Variants in NEK11 observed in about 807,000 individuals in gnomAD.
The protein encoded by NEK11 is serine/threonine-protein kinase Nek11.
Under a neutral mutation model 80.7 loss-of-function variants are expected in NEK11, and 72 were observed. That is an observed-to-expected ratio of 0.89 (90% CI 0.74 to 1.08). NEK11 has a LOEUF of 1.08. NEK11 is among the 50% of genes least tolerant of loss of function. NEK11 has a pLI of 0.00. For synonymous variants in NEK11, 251 were observed against 260.7 expected, an observed-to-expected ratio of 0.96 and a Z score of 0.36; for missense variants, 764 against 763.6, an observed-to-expected ratio of 1.00 and a Z score of -0.01.
chr3:131,109,649 A>G (rs1048530400), intron 4 of NEK11, 154 bp from the exon 5 acceptor site: 4 of 764,874 alleles, frequency 5.2e-6, no homozygotes, highest in African/African-American at 3.6e-5. Flanking sequence ...AGGAACCTGG[A>G]TAGACTTTGA....
At chr3:131,213,488 A>G (rs1002889855) in intron 14 of NEK11, among the ~76,000 whole-genome samples, 6 of 152,220 alleles carry the variant, frequency 3.9e-5, no homozygotes, top group African/African-American at 1.4e-4. Context: ...TCCAATGTAC[A>G]TGACAGAAAC....
intron 11 of NEK11, 51 bp from the exon 12 acceptor site, chr3:131,165,375 A>G (rs1255614815): frequency 5.3e-6 from 6 of 1,135,186 alleles, no homozygotes; most frequent in Admixed American, 1.7e-5. Flanking sequence ...TAATATAGAC[A>G]TGGTTTTAGC....
intron 17 of NEK11, among the ~76,000 whole-genome samples, chr3:131,294,736 ACT>A (rs2096575772): frequency 6.6e-6 from 1 of 151,526 alleles, no homozygotes; most frequent in African/African-American, 2.4e-5. Flanking sequence ...GTATTTTGAC[ACT>A]CTGTTGTTAG....
chr3:131,259,742 C>T (rs930564873), intron 16 of NEK11, among the ~76,000 whole-genome samples: 1 of 152,116 alleles, frequency 6.6e-6, no homozygotes, highest in African/African-American at 2.4e-5. Flanking sequence ...AAGGTTGCTA[C>T]TTGGAGGGGC....
At chr3:131,263,949 T>G (rs1368864140) in intron 16 of NEK11, among the ~76,000 whole-genome samples, 1 of 152,236 alleles carries the variant, frequency 6.6e-6, no homozygotes, top group Non-Finnish European at 1.5e-5. Flanking sequence ...TGATTTGCAT[T>G]TCTCTGATGG....
chr3:131,159,995 A>G (rs2091315926), intron 10 of NEK11, among the ~76,000 whole-genome samples: 1 of 152,230 alleles, frequency 6.6e-6, no homozygotes, highest in African/African-American at 2.4e-5. Flanking sequence ...AATACATTGC[A>G]TAGAAACATA....
rs144151329 is a variant in NEK11, at chr3:131,032,252, G to A, written c.170+2374G>A. 9.1e-4 allele frequency among the ~76,000 whole-genome samples: 139 copies of A among 152,210 alleles called. 1 individual carries two copies. The highest frequency in any genetic ancestry group is 3.3e-3 in the African/African-American group (135 of 41,526). ...GCTGAGATTACAGGCGTGAGCCATC[G>A]CGCCTGGCCAGTAGTCAGTATTTTT... On this transcript the variant is annotated intron_variant, in intron 3 of 17. Coordinates refer to ENST00000383366, the MANE Select transcript of NEK11 (RefSeq NM_024800.5).
At chr3:131,089,623 G>A (rs2076453222) in intron 4 of NEK11, among the ~76,000 whole-genome samples, 1 of 152,072 alleles carries the variant, frequency 6.6e-6, no homozygotes, top group African/African-American at 2.4e-5. Flanking sequence ...GTTTTTAGTA[G>A]AGACGGGGTT....
At chr3:131,061,891 C>T (rs1476601614) in intron 3 of NEK11, among the ~76,000 whole-genome samples, 1 of 152,184 alleles carries the variant, frequency 6.6e-6, no homozygotes, top group African/African-American at 2.4e-5. Context: ...ACCACAGTGG[C>T]CTTCTTGAGG....
chr3:131,185,959 C>T (rs143613834), intron 14 of NEK11, among the ~76,000 whole-genome samples: 427 of 152,248 alleles, frequency 2.8e-3, no homozygotes, highest in Non-Finnish European at 4.5e-3. Context: ...CCTCAGTTTT[C>T]TCATCTGTAT....
intron 17 of NEK11, among the ~76,000 whole-genome samples, chr3:131,326,900 C>G (rs2096976645): frequency 6.6e-6 from 1 of 152,162 alleles, no homozygotes; most frequent in Admixed American, 6.5e-5. Flanking sequence ...GGGCAGAGCC[C>G]TCAGGAATGG....
At chr3:131,028,689 G>A (rs1050069261) in intron 2 of NEK11, among the ~76,000 whole-genome samples, 18 of 152,144 alleles carry the variant, frequency 1.2e-4, no homozygotes, top group African/African-American at 4.3e-4. Context: ...AGCCTCCCGA[G>A]TAGCTGGGAC....
At chr3:131,276,410 G>C (rs2096291906) in intron 17 of NEK11, among the ~76,000 whole-genome samples, 2 of 152,076 alleles carry the variant, frequency 1.3e-5, no homozygotes, top group Admixed American at 1.3e-4. Context: ...GGGCTAGATG[G>C]CCCTGCAGAA....
At chr3:131,089,023 T>C (rs2076377305) in intron 4 of NEK11, among the ~76,000 whole-genome samples, 1 of 152,262 alleles carries the variant, frequency 6.6e-6, no homozygotes, top group South Asian at 2.1e-4. Context: ...AAACATGTTA[T>C]TGTAAAATGA....
At chr3:131,040,554 T>A (rs1401883854) in intron 3 of NEK11, among the ~76,000 whole-genome samples, 2 of 152,204 alleles carry the variant, frequency 1.3e-5, no homozygotes, top group African/African-American at 2.4e-5. Context: ...CTTAAGATTG[T>A]TAAACTGGCT....
In NEK11 at chr3:131,162,438, G is replaced by A. The variant is rs200103702; in HGVS notation, c.993G>A (p.Arg331=). The A allele has an allele frequency of 6.2e-7, 1 of 1,614,012 alleles. No homozygotes were observed. The highest frequency in any genetic ancestry group is 2.2e-5 in the East Asian group (1 of 44,876). The change falls in exon 11 of 18, where the codon AGG becomes AGA. Residue 331 remains arginine, a synonymous_variant. Coordinates refer to ENST00000383366, the MANE Select transcript of NEK11 (RefSeq NM_024800.5). ...AAAGGATCCACCTGCAGACTCTGAG[G>A]GCACTGTCAGAAGTACAGAAAATGA... ...MQKRIHLQTL[R]ALSEVQKMTP... is the part of the protein sequence containing the mutation.
At chr3:131,139,531 A>G (rs1462648902) in intron 7 of NEK11, among the ~76,000 whole-genome samples, 1 of 152,132 alleles carries the variant, frequency 6.6e-6, no homozygotes, top group Non-Finnish European at 1.5e-5. Flanking sequence ...TTAATATATA[A>G]GTATAAGAAG....
chr3:131,045,115 G>C (rs1182942249), intron 3 of NEK11, among the ~76,000 whole-genome samples: 1 of 152,116 alleles, frequency 6.6e-6, no homozygotes, highest in African/African-American at 2.4e-5. Flanking sequence ...ACACAGCTAG[G>C]GCAGTGTTTA....
At chr3:131,333,729 T>C (rs1295537400) in intron 17 of NEK11, among the ~76,000 whole-genome samples, 2 of 152,292 alleles carry the variant, frequency 1.3e-5, no homozygotes, top group African/African-American at 2.4e-5. Context: ...ACCCATCTCA[T>C]GTGCTGAGAC....
Sources: gnomAD v4.1 joint callset for allele counts (sites outside exome capture counted in the v4.1 genomes callset) on GRCh38, gnomAD v4.1.1 for gene constraint, MANE v1.5 for transcripts, NCBI Gene and HGNC (gene_info 2026-07-23, HGNC 2026-07-21) for gene names.